Variants in LRRTM4 observed in about 807,000 individuals in gnomAD.
LRRTM4 encodes leucine-rich repeat transmembrane neuronal protein 4.
In LRRTM4, 25 loss-of-function variants were observed where a neutral mutation model predicts 47.6. That is an observed-to-expected ratio of 0.53 (90% CI 0.38 to 0.73). The LOEUF (loss-of-function observed/expected upper bound fraction) is 0.73. Among genes scored for constraint, LRRTM4 ranks in the 30% least tolerant of loss-of-function variants. The probability of loss-of-function intolerance (pLI) is 0.00; values close to 1 mark genes in which losing one functional copy is unlikely to be tolerated. For synonymous variants in LRRTM4, 311 were observed against 269.5 expected (o/e 1.15, Z -1.51); for missense variants, 638 against 713.4 (o/e 0.89, Z 1.20).
At chr2:77,126,448 C>G in intron 3 of LRRTM4, among the ~76,000 whole-genome samples, 1 of 152,150 alleles carries the variant, frequency 6.6e-6, no homozygotes, top group Non-Finnish European at 1.5e-5. Flanking sequence ...TGTATCTTCT[C>G]TTTGCCTCTA....
chr2:77,288,856 A>G (rs1273142729), intron 3 of LRRTM4, among the ~76,000 whole-genome samples: 1 of 152,058 alleles, frequency 6.6e-6, no homozygotes, highest in African/African-American at 2.4e-5. Context: ...ATCTCAGCAG[A>G]AGCCAATTGG....
At chr2:77,003,336 G>A (rs17013581) in intron 3 of LRRTM4, among the ~76,000 whole-genome samples, 7,779 of 151,740 alleles carry the variant, frequency 0.051, 682 homozygotes, top group African/African-American at 0.18. Context: ...AATATACTAG[G>A]AAGTTGATAT....
chr2:77,027,311 T>G (rs1180204198), intron 3 of LRRTM4, among the ~76,000 whole-genome samples: 4 of 152,110 alleles, frequency 2.6e-5, no homozygotes, highest in African/African-American at 9.7e-5. Flanking sequence ...GTTATAAAGG[T>G]AGAGGAGATG....
intron 3 of LRRTM4, among the ~76,000 whole-genome samples, chr2:76,935,033 TTCAGTA>T (rs201086610): frequency 0.013 from 2,018 of 151,604 alleles, 47 homozygotes; most frequent in African/African-American, 0.047. Context: ...ACTTTCTGAG[TTCAGTA>T]TCATTTCACC....
chr2:77,248,483 T>C (rs1479831327), intron 3 of LRRTM4, among the ~76,000 whole-genome samples: 1 of 152,114 alleles, frequency 6.6e-6, no homozygotes, highest in Non-Finnish European at 1.5e-5. Flanking sequence ...AAATGATATA[T>C]AAATTCAATG....
chr2:77,028,894 G>T (rs750798147), intron 3 of LRRTM4, among the ~76,000 whole-genome samples: 1 of 150,990 alleles, frequency 6.6e-6, no homozygotes, highest in Non-Finnish European at 1.5e-5. Context: ...AATTAGCTGA[G>T]CGTGGTGGTG....
At chr2:77,370,144 G>T (rs1672607723) in intron 3 of LRRTM4, among the ~76,000 whole-genome samples, 2 of 151,722 alleles carry the variant, frequency 1.3e-5, no homozygotes, top group African/African-American at 4.8e-5. Context: ...CAAGGTTGTT[G>T]CTTGTGTTGA....
intron 3 of LRRTM4, among the ~76,000 whole-genome samples, chr2:77,031,798 A>T (rs1001021993): frequency 6.6e-6 from 1 of 152,136 alleles, no homozygotes; most frequent in African/African-American, 2.4e-5. Context: ...GTAAATTAAT[A>T]TAGTGAATTA....
intron 3 of LRRTM4, among the ~76,000 whole-genome samples, chr2:77,066,676 T>C (rs976071914): frequency 2.6e-5 from 4 of 152,172 alleles, no homozygotes; most frequent in African/African-American, 9.7e-5. Context: ...ACAAATCGTA[T>C]AGAGATATGT....
Position 77,101,904 on chromosome 2 carries a change from A to G in LRRTM4, c.1552-352988T>C, listed in dbSNP as rs182477241. Among the ~76,000 whole-genome samples the G allele has an allele frequency of 9.6e-4, 146 of 152,292 alleles. 2 individuals carry two copies. In the South Asian group the frequency reaches 0.011, roughly 11 times the overall value. On this transcript the variant is annotated intron_variant, in intron 3 of 3. Coordinates refer to ENST00000409884, the MANE Select transcript of LRRTM4 (RefSeq NM_001134745.3). The stretch of plus-strand genomic sequence containing the variant: ...CAGTTTTTCGTAAGCCTGTCTTTAC[A>G]TTAGAACATCCTTGCTACATGAGTC...
chr2:77,338,971 C>A, intron 3 of LRRTM4, among the ~76,000 whole-genome samples: 1 of 151,854 alleles, frequency 6.6e-6, no homozygotes, highest in East Asian at 1.9e-4. Context: ...CAGCTGGAAA[C>A]CATAATCTTA....
At chr2:77,268,570 A>ACC (rs1676113007) in intron 3 of LRRTM4, among the ~76,000 whole-genome samples, 1 of 152,120 alleles carries the variant, frequency 6.6e-6, no homozygotes, top group East Asian at 1.9e-4. Flanking sequence ...CTGTATATCA[A>ACC]GTGATCTTTT....
At chr2:76,943,480 A>C (rs1361012529) in intron 3 of LRRTM4, among the ~76,000 whole-genome samples, 3 of 152,178 alleles carry the variant, frequency 2.0e-5, no homozygotes, top group African/African-American at 7.2e-5. Context: ...TGGATGATTA[A>C]TATGCAGACA....
intron 3 of LRRTM4, among the ~76,000 whole-genome samples, chr2:77,349,118 A>T (rs1159839846): frequency 1.3e-5 from 2 of 151,968 alleles, no homozygotes; most frequent in Non-Finnish European, 2.9e-5. Context: ...ATAAGAAAAT[A>T]AAATAACATC....
intron 3 of LRRTM4, among the ~76,000 whole-genome samples, chr2:76,809,051 T>G (rs1381894137): frequency 6.6e-6 from 1 of 152,152 alleles, no homozygotes; most frequent in Non-Finnish European, 1.5e-5. Context: ...CTCCATGATC[T>G]TCAAAGCTAT....
At chr2:76,953,212 C>T (rs1558759177) in intron 3 of LRRTM4, among the ~76,000 whole-genome samples, 1 of 149,418 alleles carries the variant, frequency 6.7e-6, no homozygotes, top group Non-Finnish European at 1.5e-5. Flanking sequence ...AAACTTCAAA[C>T]AAGAAGAGTT....
chr2:76,897,523 G>A (rs755445123), intron 3 of LRRTM4, among the ~76,000 whole-genome samples: 1 of 151,980 alleles, frequency 6.6e-6, no homozygotes, highest in Non-Finnish European at 1.5e-5. Context: ...TTAATCTCTG[G>A]TAAACAGGCA....
intron 3 of LRRTM4, among the ~76,000 whole-genome samples, chr2:77,273,698 T>C (rs1004910254): frequency 6.6e-6 from 1 of 152,174 alleles, no homozygotes; most frequent in African/African-American, 2.4e-5. Flanking sequence ...ACATGACTAA[T>C]GTATAAAATC....
chr2:77,353,957 G>A (rs1482951833), intron 3 of LRRTM4, among the ~76,000 whole-genome samples: 1 of 152,176 alleles, frequency 6.6e-6, no homozygotes, highest in African/African-American at 2.4e-5. Flanking sequence ...CATCTGTAGA[G>A]CAGGGCTATT....
Sources: gnomAD v4.1 joint callset for allele counts (sites outside exome capture counted in the v4.1 genomes callset) on GRCh38, gnomAD v4.1.1 for gene constraint, MANE v1.5 for transcripts, NCBI Gene and HGNC (gene_info 2026-07-23, HGNC 2026-07-21) for gene names.